The following TCF12 variants were observed in gnomAD, a reference collection of about 807,000 sequenced individuals.
TCF12 encodes DNA-binding protein HTF4.
Under a neutral mutation model 86.0 loss-of-function variants are expected in TCF12, and 45 were observed. The ratio of observed to expected loss-of-function variants is 0.52; its 90% CI spans 0.41 to 0.67. TCF12 has a LOEUF of 0.67. Among genes scored for constraint, TCF12 ranks in the 30% least tolerant of loss-of-function variants. The pLI, the probability that TCF12 is intolerant of heterozygous loss-of-function variation, is 0.00. For synonymous variants in TCF12, 330 were observed against 299.6 expected, an observed-to-expected ratio of 1.10 and a Z score of -1.05; for missense variants, 881 against 859.9, an observed-to-expected ratio of 1.02 and a Z score of -0.31.
At chr15:57,246,525 G>C (rs2059866209) in intron 13 of TCF12, among the ~76,000 whole-genome samples, 1 of 126,764 alleles carries the variant, frequency 7.9e-6, no homozygotes, top group Non-Finnish European at 1.8e-5. Flanking sequence ...AGCAGTTCAG[G>C]GTACTACATG....
rs531392391 is a variant in TCF12 at position 57,156,278 on chromosome 15, A to G, written c.326-10124A>G. ...TAGCGAAGAGTTGATGAGCATATCA[A>G]TTTCATGGGACATTAAAAGAAATCA... On this transcript the variant is annotated intron_variant, in intron 5 of 20. Transcript: ENST00000333725. 2.2e-4 allele frequency among the ~76,000 whole-genome samples: 33 copies of G among 152,362 alleles called. No homozygotes were observed. In the East Asian group the frequency reaches 2.5e-3, roughly 12 times the overall value.
intron 3 of TCF12, among the ~76,000 whole-genome samples, chr15:57,045,391 G>T (rs756972295): frequency 6.6e-6 from 1 of 152,140 alleles, no homozygotes; most frequent in Non-Finnish European, 1.5e-5. Context: ...GTTGATTTGT[G>T]ATAAACATGA....
chr15:57,187,164 A>G (rs1387565810), intron 6 of TCF12, among the ~76,000 whole-genome samples: 2 of 105,220 alleles, frequency 1.9e-5, no homozygotes, highest in African/African-American at 7.6e-5. Flanking sequence ...GAGTGAGAGT[A>G]AGACTGTCTC....
chr15:57,073,908 CTG>C (rs1197393545), intron 4 of TCF12, among the ~76,000 whole-genome samples: 1 of 152,052 alleles, frequency 6.6e-6, no homozygotes, highest in African/African-American at 2.4e-5. Context: ...ACCACCACTC[CTG>C]GCTAATTTTT....
intron 3 of TCF12, among the ~76,000 whole-genome samples, chr15:56,950,632 C>G (rs1359427545): frequency 1.3e-5 from 2 of 150,090 alleles, no homozygotes; most frequent in African/African-American, 4.9e-5. Flanking sequence ...ATAGTTTATT[C>G]TTATTTCTTA....
intron 8 of TCF12, among the ~76,000 whole-genome samples, chr15:57,203,236 TC>T (rs1363925276): frequency 6.6e-6 from 1 of 152,218 alleles, no homozygotes; most frequent in African/African-American, 2.4e-5. Flanking sequence ...ATTTTTGTTT[TC>T]TGAACTCTCA....
intron 12 of TCF12, among the ~76,000 whole-genome samples, chr15:57,240,119 AATC>A (rs1166146424): frequency 6.6e-6 from 1 of 152,196 alleles, no homozygotes; most frequent in Non-Finnish European, 1.5e-5. Context: ...GACTGAAAAG[AATC>A]ACTTAAATGG....
chr15:57,105,516 G>A (rs757932140), intron 5 of TCF12, among the ~76,000 whole-genome samples: 4 of 151,940 alleles, frequency 2.6e-5, no homozygotes, highest in Admixed American at 2.0e-4. Flanking sequence ...AGGTTCAAGC[G>A]ATTCTCCTGC....
At chr15:57,087,425 A>AC (rs2048721781) in intron 4 of TCF12, among the ~76,000 whole-genome samples, 3 of 147,968 alleles carry the variant, frequency 2.0e-5, no homozygotes, top group Non-Finnish European at 4.5e-5. Flanking sequence ...AAAAAAAAAA[A>AC]AATTTATATA....
At chr15:57,101,122 G>A (rs2049713172) in intron 5 of TCF12, among the ~76,000 whole-genome samples, 1 of 152,002 alleles carries the variant, frequency 6.6e-6, no homozygotes, top group Admixed American at 6.5e-5. Context: ...TGGTTTTTGT[G>A]ACTTCCAGTT....
At chr15:56,975,101 C>T (rs969866606) in intron 3 of TCF12, among the ~76,000 whole-genome samples, 1 of 151,920 alleles carries the variant, frequency 6.6e-6, no homozygotes, top group African/African-American at 2.4e-5. Flanking sequence ...TAGTAAGGGA[C>T]AATATATAGC....
At chr15:56,985,576 C>T (rs978665053) in intron 3 of TCF12, among the ~76,000 whole-genome samples, 2 of 152,106 alleles carry the variant, frequency 1.3e-5, no homozygotes, top group African/African-American at 2.4e-5. Flanking sequence ...GTGCTTATAA[C>T]CGTAGTTCCT....
intron 3 of TCF12, among the ~76,000 whole-genome samples, chr15:57,060,050 G>C (rs2733180): frequency 1 from 152,070 of 152,332 alleles, 75,906 homozygotes; most frequent in East Asian, 1. Flanking sequence ...TTGGACTTGG[G>C]CAAGAAGTTT....
chr15:56,934,626 G>T (rs954216780), intron 3 of TCF12, among the ~76,000 whole-genome samples: 4 of 152,126 alleles, frequency 2.6e-5, no homozygotes, highest in African/African-American at 9.7e-5. Context: ...ATATAAAATA[G>T]CTGTCTTACC....
intron 7 of TCF12, among the ~76,000 whole-genome samples, chr15:57,194,222 T>G (rs1215268701): frequency 6.6e-6 from 1 of 151,730 alleles, no homozygotes; most frequent in Non-Finnish European, 1.5e-5. Context: ...CATTTTAATT[T>G]TGATTATGAT....
At chr15:57,277,408 A>T (rs1338435862) in intron 19 of TCF12, among the ~76,000 whole-genome samples, 2 of 151,958 alleles carry the variant, frequency 1.3e-5, no homozygotes, top group Non-Finnish European at 2.9e-5. Context: ...AAGCAGGCAG[A>T]TCATGAGGTC....
chr15:57,066,799 T>A (rs12900874), intron 4 of TCF12, among the ~76,000 whole-genome samples: 71,902 of 152,066 alleles, frequency 0.47, 18,803 homozygotes, highest in Non-Finnish European at 0.57. Flanking sequence ...ATTTGGCAGA[T>A]GAACCCTATT....
chr15:56,976,224 CTTTT>C (rs35959497), intron 3 of TCF12, among the ~76,000 whole-genome samples: 17 of 57,374 alleles, frequency 3.0e-4, no homozygotes, highest in African/African-American at 1.2e-3. Context: ...AAGGAAGTTT[CTTTT>C]TTTTTTTTTT....
At chr15:57,120,192 T>C (rs1189967710) in intron 5 of TCF12, among the ~76,000 whole-genome samples, 1 of 152,254 alleles carries the variant, frequency 6.6e-6, no homozygotes, top group Non-Finnish European at 1.5e-5. Flanking sequence ...GAAGCATTTA[T>C]GACTTTGCCG....
Sources: gnomAD v4.1 joint callset for allele counts (sites outside exome capture counted in the v4.1 genomes callset) on GRCh38, gnomAD v4.1.1 for gene constraint, MANE v1.5 for transcripts, NCBI Gene and HGNC (gene_info 2026-07-23, HGNC 2026-07-21) for gene names.